The following VLDLR variants were observed in gnomAD, a reference collection of about 807,000 sequenced individuals.
VLDLR encodes very low-density lipoprotein receptor.
A neutral mutation model predicts 112.7 loss-of-function variants in VLDLR; 81 were observed. The ratio of observed to expected loss-of-function variants is 0.72; its 90% CI spans 0.60 to 0.86. The LOEUF (loss-of-function observed/expected upper bound fraction) is 0.86, where lower values mean the gene tolerates loss of function less well. Among genes scored for constraint, VLDLR ranks in the 40% least tolerant of loss-of-function variants. The probability of loss-of-function intolerance (pLI) is 0.00; values close to 1 mark genes in which losing one functional copy is unlikely to be tolerated. For synonymous variants in VLDLR, 436 were observed against 384.8 expected, an observed-to-expected ratio of 1.13 and a Z score of -1.56; for missense variants, 1,237 against 1,099.4, an observed-to-expected ratio of 1.13 and a Z score of -1.77.
intron 1 of VLDLR, among the ~76,000 whole-genome samples, chr9:2,625,214 C>G (rs145368527): frequency 2.2e-4 from 33 of 152,262 alleles, no homozygotes; most frequent in East Asian, 9.6e-4. Flanking sequence ...GTTACAAGCC[C>G]CTTCTGCTCC....
chr9:2,625,754 C>T (rs926177057), intron 1 of VLDLR, among the ~76,000 whole-genome samples: 3 of 152,158 alleles, frequency 2.0e-5, no homozygotes, highest in Non-Finnish European at 4.4e-5. Context: ...ACTTTCAAGG[C>T]AAACAGTCCA....
At position 2,650,741 on chromosome 9, in the gene VLDLR, A is replaced by G. The variant is rs147886210; in HGVS notation, c.2251+225A>G. Among the ~76,000 whole-genome samples, 43 of 152,258 alleles carry G rather than the reference A, an allele frequency of 2.8e-4. No homozygotes were observed. The East Asian group carries it at 7.5e-3, about 27-fold the overall frequency. The stretch of plus-strand genomic sequence containing the variant: ...AGACTAAAGTGTCAACATACCTTAC[A>G]CTAATTTGTACCTAGTCCCTTAACA... On this transcript the variant is annotated intron_variant, in intron 15 of 18. Transcript: ENST00000382100.
intron 15 of VLDLR, among the ~76,000 whole-genome samples, 200 bp from the exon 16 acceptor site, chr9:2,651,215 C>A (rs1818313659): frequency 1.3e-5 from 2 of 152,134 alleles, no homozygotes; most frequent in Non-Finnish European, 2.9e-5. Context: ...ACCGACTGTC[C>A]TTCCCAAAGT....
chr9:2,644,829 C>A lies in VLDLR; in HGVS notation c.1162C>A (p.Leu388Met). 6.2e-7 allele frequency: 1 copy of A among 1,614,122 alleles called. No individual in the cohort carries two copies. The highest frequency in any genetic ancestry group is 8.5e-7 in the Non-Finnish European group (1 of 1,180,038). The change falls in exon 8 of 19, where the codon CTG becomes ATG. Residue 388 changes from leucine to methionine, a missense_variant. Coordinates refer to ENST00000382100, the MANE Select transcript of VLDLR (RefSeq NM_003383.5). The part of the protein sequence containing the change: ...YECDCAAGFE[L>M]IDRKTCGDID... Reference sequence around the variant, plus strand: ...GTGTGACTGTGCAGCTGGGTTTGAACTGATAGATAGGAAAACCTGTGGAGG... The same window carrying A: ...GTGTGACTGTGCAGCTGGGTTTGAAATGATAGATAGGAAAACCTGTGGAGG...
chr9:2,647,765 T>C lies in VLDLR; in HGVS notation c.1822+173T>C. ...ACAAGTAAAATGGTGGATTAACAAA[T>C]TACACATTCCATAATTACTGGCCTG... On this transcript the variant is annotated intron_variant, in intron 12 of 18. Coordinates refer to ENST00000382100, the MANE Select transcript of VLDLR (RefSeq NM_003383.5). The C allele has an allele frequency of 5.7e-6, 4 of 698,524 alleles. No individual in the cohort carries two copies. In the Admixed American group the frequency reaches 6.1e-5, roughly 11 times the overall value. The allele number at this position is 698,524 out of a possible 1,614,324, so 43.3% of individuals were successfully genotyped here.
chr9:2,633,047 A>AGTGTGTGTGT (rs780332222), intron 1 of VLDLR, among the ~76,000 whole-genome samples: 181 of 95,442 alleles, frequency 1.9e-3, no homozygotes, highest in Admixed American at 4.2e-3. Flanking sequence ...AGAGAGAGAG[A>AGTGTGTGTGT]GAGAGTGTGT....
At position 2,622,100 on chromosome 9, in the gene VLDLR, C is replaced by A; in HGVS notation, c.-90C>A. On this transcript the variant is annotated 5_prime_UTR_variant, in exon 1 of 19. Coordinates refer to ENST00000382100, the MANE Select transcript of VLDLR (RefSeq NM_003383.5). ...CCCCCTTTCCCCTCCCCGCCCCCACCTTCTTCCTCCTTTCGGAAGGACTGG... is the reference window on the plus strand; with the variant it reads ...CCCCCTTTCCCCTCCCCGCCCCCACATTCTTCCTCCTTTCGGAAGGACTGG... The A allele has an allele frequency of 7.5e-7, 1 of 1,325,766 alleles. No individual in the cohort carries two copies. The highest frequency in any genetic ancestry group is 1.0e-6 in the Non-Finnish European group (1 of 998,628). The allele number at this position is 1,325,766 out of a possible 1,614,324, so 82.1% of individuals were successfully genotyped here.
At chr9:2,648,073 G>A (rs1160212188) in intron 12 of VLDLR, 135 bp from the exon 13 acceptor site, 1 of 1,230,738 alleles carries the variant, frequency 8.1e-7, no homozygotes, top group Non-Finnish European at 1.2e-6. Context: ...TGCTTCGCAA[G>A]GTTTATGGTG....
At chr9:2,646,860 G>A (rs751259020) in intron 11 of VLDLR, among the ~76,000 whole-genome samples, 9 of 152,076 alleles carry the variant, frequency 5.9e-5, no homozygotes, top group Non-Finnish European at 1.0e-4. Context: ...CAGTTTCTAC[G>A]CAAGTGATTT....
At chr9:2,641,824 C>T (rs527318164) in intron 4 of VLDLR, among the ~76,000 whole-genome samples, 1 of 152,208 alleles carries the variant, frequency 6.6e-6, no homozygotes, top group South Asian at 2.1e-4. Context: ...GTCTTTTGCA[C>T]TTTGGCACAA....
chr9:2,643,579 A>C (rs376376375), intron 5 of VLDLR, 48 bp downstream of exon 5: 110 of 1,614,076 alleles, frequency 6.8e-5, no homozygotes, highest in Non-Finnish European at 9.0e-5. Context: ...CCCTGTATCA[A>C]CTGGGACAAT....
In VLDLR at chr9:2,627,364, C is replaced by T. The variant is rs574562737; in HGVS notation, c.82+5093C>T. Among the ~76,000 whole-genome samples, 10 of 152,268 alleles carry T rather than the reference C, an allele frequency of 6.6e-5. 1 individual carries two copies. In the South Asian group the frequency reaches 1.5e-3, roughly 22 times the overall value. ...ATATGACTAAAGCAACAATGGATTA[C>T]TGCCAGTATTACCAAAGAGCATTAA... On this transcript the variant is annotated intron_variant, in intron 1 of 18. Coordinates refer to ENST00000382100, the MANE Select transcript of VLDLR (RefSeq NM_003383.5).
At chr9:2,649,219 C>T (rs1438076513) in intron 14 of VLDLR, among the ~76,000 whole-genome samples, 14 of 152,136 alleles carry the variant, frequency 9.2e-5, no homozygotes, top group African/African-American at 3.1e-4. Context: ...TCTCAAAACT[C>T]TGGAGGCCAG....
intron 9 of VLDLR, among the ~76,000 whole-genome samples, chr9:2,645,335 A>G (rs1486183350): frequency 6.6e-6 from 1 of 152,154 alleles, no homozygotes; most frequent in Admixed American, 6.5e-5. Flanking sequence ...CTTGAGTCCA[A>G]CTCAAACAAG....
intron 2 of VLDLR, among the ~76,000 whole-genome samples, chr9:2,637,737 C>T (rs1441925079): frequency 6.6e-6 from 1 of 152,088 alleles, no homozygotes; most frequent in African/African-American, 2.4e-5. Context: ...GTCAGGAGAT[C>T]GAGACCACCC....
intron 11 of VLDLR, 97 bp from the exon 12 acceptor site, chr9:2,647,377 T>G (rs1031093182): frequency 2.1e-6 from 2 of 975,248 alleles, no homozygotes; most frequent in Admixed American, 1.7e-5. Context: ...GAGAATGCCT[T>G]GAGTTTTCTG....
chr9:2,644,671 T>C (rs1385876734), intron 7 of VLDLR, 63 bp from the exon 8 acceptor site: 1 of 1,611,164 alleles, frequency 6.2e-7, no homozygotes, highest in African/African-American at 1.3e-5. Context: ...TAGCCTGGGT[T>C]TTAAATGTGA....
intron 4 of VLDLR, 43 bp from the exon 5 acceptor site, chr9:2,643,117 C>G (rs1205350299): frequency 1.2e-6 from 2 of 1,601,406 alleles, no homozygotes; most frequent in Non-Finnish European, 1.7e-6. Context: ...TTGAACGGAC[C>G]AATCTTGATG....
chr9:2,624,026 A>G (rs1446825718), intron 1 of VLDLR, among the ~76,000 whole-genome samples: 2 of 152,196 alleles, frequency 1.3e-5, no homozygotes, highest in African/African-American at 4.8e-5. Context: ...GGAAGGTGAG[A>G]GAAAAGTTTC....
Sources: allele counts gnomAD v4.1 joint callset (sites outside exome capture counted in the v4.1 genomes callset), GRCh38; gene constraint gnomAD v4.1.1; transcripts MANE v1.5; gene names NCBI Gene and HGNC (gene_info 2026-07-23, HGNC 2026-07-21).